Variants in SMYD3 observed in about 807,000 individuals in gnomAD.
SMYD3 encodes histone-lysine N-methyltransferase SMYD3.
Under a neutral mutation model 57.7 loss-of-function variants are expected in SMYD3, and 36 were observed. That is an observed-to-expected ratio of 0.62 (90% CI 0.48 to 0.82). SMYD3 has a LOEUF of 0.82. Ranked by LOEUF, SMYD3 falls within the 40% of genes least tolerant of loss-of-function variation. The pLI, the probability that SMYD3 is intolerant of heterozygous loss-of-function variation, is 0.00. For synonymous variants in SMYD3, 211 were observed against 195.0 expected (o/e 1.08, Z -0.68); for missense variants, 515 against 538.8 (o/e 0.96, Z 0.44).
chr1:246,017,695 C>T (rs1039214886), intron 5 of SMYD3, among the ~76,000 whole-genome samples: 16 of 152,174 alleles, frequency 1.1e-4, no homozygotes, highest in Admixed American at 2.0e-4. Flanking sequence ...GACTTCTCCA[C>T]TGTGAAGTTT....
chr1:246,379,431 T>C (rs1312777585), intron 1 of SMYD3, among the ~76,000 whole-genome samples: 1 of 152,194 alleles, frequency 6.6e-6, no homozygotes, highest in Non-Finnish European at 1.5e-5. Context: ...ACAATACTAA[T>C]ATATTAAACA....
intron 2 of SMYD3, among the ~76,000 whole-genome samples, chr1:246,352,136 CAAAAAAAAAAAAA>C (rs10581690): frequency 9.9e-5 from 6 of 60,478 alleles, no homozygotes; most frequent in African/African-American, 2.4e-4. Context: ...GACTCTGTCT[CAAAAAAAAAAAAA>C]AAAAAAAAAA....
At chr1:246,143,473 C>A (rs2061794234) in intron 5 of SMYD3, among the ~76,000 whole-genome samples, 1 of 152,104 alleles carries the variant, frequency 6.6e-6, no homozygotes. Context: ...TCAAGACCAA[C>A]CGGGGCAATG....
chr1:246,447,731 C>T (rs775052011), intron 1 of SMYD3, among the ~76,000 whole-genome samples: 1 of 152,186 alleles, frequency 6.6e-6, no homozygotes, highest in African/African-American at 2.4e-5. Flanking sequence ...TACACCTTCT[C>T]CCAGTTAGAA....
At chr1:246,180,489 G>C (rs1205855702) in intron 5 of SMYD3, among the ~76,000 whole-genome samples, 2 of 150,646 alleles carry the variant, frequency 1.3e-5, no homozygotes, top group Non-Finnish European at 3.0e-5. Flanking sequence ...CGGGTGTGGT[G>C]GTTCATGCCT....
chr1:245,872,231 T>C (rs539288118), intron 8 of SMYD3, among the ~76,000 whole-genome samples: 3 of 152,352 alleles, frequency 2.0e-5, no homozygotes, highest in Admixed American at 6.5e-5. Flanking sequence ...TTTCATCTAT[T>C]TCATGAAATT....
At chr1:245,864,432 T>C (rs1464809288) in intron 8 of SMYD3, among the ~76,000 whole-genome samples, 4 of 152,202 alleles carry the variant, frequency 2.6e-5, no homozygotes, top group African/African-American at 7.2e-5. Context: ...ACAACATGGA[T>C]GAACCTTTCC....
rs1046922419 is a variant in SMYD3 at position 245,956,027 on chromosome 1, A to C, written c.532-26090T>G. On this transcript the variant is annotated intron_variant, in intron 5 of 11. Transcript: ENST00000490107. ...TAGGAACACTGTTTGTAAATGCAAA[A>C]AATTACAAATGACCCTATGTTCATT... 1.3e-5 allele frequency: 13 copies of C among 985,438 alleles called. No individual in the cohort carries two copies. In the Admixed American group the frequency reaches 6.8e-4, roughly 51 times the overall value. The allele number at this position is 985,438 out of a possible 1,614,324, so 61.0% of individuals were successfully genotyped here.
chr1:246,159,950 G>A (rs1194377700), intron 5 of SMYD3, among the ~76,000 whole-genome samples: 1 of 152,148 alleles, frequency 6.6e-6, no homozygotes, highest in African/African-American at 2.4e-5. Flanking sequence ...TTACAGGAGT[G>A]CACCACTTTA....
intron 1 of SMYD3, among the ~76,000 whole-genome samples, chr1:246,362,966 T>C (rs2066022952): frequency 6.8e-6 from 1 of 147,126 alleles, no homozygotes; most frequent in Non-Finnish European, 1.5e-5. Flanking sequence ...CTGCCCAGTC[T>C]GGAAAGTGAG....
At chr1:245,753,739 A>C (rs115530029) in intron 11 of SMYD3, among the ~76,000 whole-genome samples, 8,660 of 152,282 alleles carry the variant, frequency 0.057, 334 homozygotes, top group South Asian at 0.16. Flanking sequence ...ACCATCCCCC[A>C]AAAAAGTTAC....
intron 5 of SMYD3, among the ~76,000 whole-genome samples, chr1:246,127,344 A>T (rs2061524494): frequency 6.6e-6 from 1 of 152,150 alleles, no homozygotes; most frequent in South Asian, 2.1e-4. Flanking sequence ...TTTTGTCAAT[A>T]ACTTCAACAA....
chr1:246,501,550 C>T (rs1034441657), intron 1 of SMYD3, among the ~76,000 whole-genome samples: 1 of 152,178 alleles, frequency 6.6e-6, no homozygotes, highest in African/African-American at 2.4e-5. Flanking sequence ...CACATGAGGA[C>T]CTCTAATCCA....
At chr1:246,363,638 T>C (rs1286181778) in intron 1 of SMYD3, among the ~76,000 whole-genome samples, 1 of 152,226 alleles carries the variant, frequency 6.6e-6, no homozygotes, top group Non-Finnish European at 1.5e-5. Flanking sequence ...CCCTGTGCTC[T>C]CTGAAACATG....
At chr1:246,174,779 G>C (rs541627606) in intron 5 of SMYD3, among the ~76,000 whole-genome samples, 2 of 152,284 alleles carry the variant, frequency 1.3e-5, no homozygotes, top group East Asian at 3.9e-4. Flanking sequence ...TATTCCAGGA[G>C]AGTGGAGTCT....
At chr1:246,453,962 T>C (rs1056597624) in intron 1 of SMYD3, among the ~76,000 whole-genome samples, 1 of 152,226 alleles carries the variant, frequency 6.6e-6, no homozygotes, top group African/African-American at 2.4e-5. Context: ...GATCTTCTAG[T>C]CGGCTCCTAT....
At chr1:245,933,866 G>C (rs1022483347) in intron 5 of SMYD3, among the ~76,000 whole-genome samples, 5 of 152,098 alleles carry the variant, frequency 3.3e-5, no homozygotes, top group African/African-American at 1.2e-4. Flanking sequence ...GTAAAAATCA[G>C]AACAGCCATA....
At chr1:245,774,759 T>C (rs1449595594) in intron 10 of SMYD3, among the ~76,000 whole-genome samples, 1 of 108,218 alleles carries the variant, frequency 9.2e-6, no homozygotes. Flanking sequence ...GAGCCGAAGC[T>C]GGACTGTACT....
intron 5 of SMYD3, among the ~76,000 whole-genome samples, chr1:245,960,309 A>G (rs1180952345): frequency 1.3e-5 from 2 of 152,340 alleles, no homozygotes; most frequent in South Asian, 2.1e-4. Context: ...TCCACAGGAA[A>G]AGACTGATTC....
Sources: gnomAD v4.1 joint callset for allele counts (sites outside exome capture counted in the v4.1 genomes callset) on GRCh38, gnomAD v4.1.1 for gene constraint, MANE v1.5 for transcripts, NCBI Gene and HGNC (gene_info 2026-07-23, HGNC 2026-07-21) for gene names.